AFF3: variants seen among roughly 807,000 people sequenced by gnomAD.
AFF3 encodes AF4/FMR2 family member 3.
AFF3 carries 32 observed loss-of-function variants against 129.7 expected under a neutral mutation model. The ratio of observed to expected loss-of-function variants is 0.25; its 90% CI spans 0.19 to 0.33. The LOEUF (loss-of-function observed/expected upper bound fraction) is 0.33, where lower values mean the gene tolerates loss of function less well. Ranked by LOEUF, AFF3 falls within the 10% of genes least tolerant of loss-of-function variation. The pLI is 1.00. For synonymous variants in AFF3, 644 were observed against 635.4 expected, an observed-to-expected ratio of 1.01 and a Z score of -0.20; for missense variants, 1,373 against 1,592.0, an observed-to-expected ratio of 0.86 and a Z score of 2.34.
At chr2:99,840,415 T>C (rs551824199) in intron 7 of AFF3, among the ~76,000 whole-genome samples, 1 of 152,240 alleles carries the variant, frequency 6.6e-6, no homozygotes, top group Non-Finnish European at 1.5e-5. Flanking sequence ...TGTTATCTTT[T>C]TGCTTCATTC....
chr2:99,594,293 A>C lies in AFF3; in HGVS notation c.1372-4T>G. The C allele has an allele frequency of 6.3e-7, 1 of 1,594,766 alleles. No individual in the cohort carries two copies. On this transcript the variant is annotated splice_region_variant and splice_polypyrimidine_tract_variant and intron_variant, in intron 14 of 24. Coordinates refer to ENST00000672756, the MANE Select transcript of AFF3 (RefSeq NM_001386135.1). ...TGTTAGAGGATGCCGGTTCAGCCTG[A>C]AAGCAGAAAACCGGTGACAAACAAA...
At chr2:100,062,366 A>C (rs893250145) in intron 4 of AFF3, among the ~76,000 whole-genome samples, 2 of 152,204 alleles carry the variant, frequency 1.3e-5, no homozygotes, top group African/African-American at 4.8e-5. Flanking sequence ...CCAGTAATGA[A>C]TGAATGAAAA....
intron 22 of AFF3, among the ~76,000 whole-genome samples, chr2:99,556,754 T>A (rs2104522750): frequency 6.6e-6 from 1 of 151,852 alleles, no homozygotes; most frequent in South Asian, 2.1e-4. Context: ...AGACCCTCTG[T>A]CTACAAAAAA....
chr2:100,138,283 C>T (rs1692711962), intron 1 of AFF3, among the ~76,000 whole-genome samples: 1 of 152,212 alleles, frequency 6.6e-6, no homozygotes, highest in Non-Finnish European at 1.5e-5. Context: ...TCATCACTCT[C>T]TCCCCTCTTT....
chr2:99,681,867 T>A (rs1217800173), intron 11 of AFF3, among the ~76,000 whole-genome samples: 1 of 151,840 alleles, frequency 6.6e-6, no homozygotes, highest in Non-Finnish European at 1.5e-5. Context: ...CCTAAGTGAA[T>A]CTTCTATTCA....
At chr2:99,787,595 C>T (rs1277695867) in intron 8 of AFF3, among the ~76,000 whole-genome samples, 3 of 152,146 alleles carry the variant, frequency 2.0e-5, no homozygotes, top group African/African-American at 4.8e-5. Flanking sequence ...CATGAATTCC[C>T]GATGATGTAC....
At chr2:99,923,853 C>A (rs1331378792) in intron 7 of AFF3, among the ~76,000 whole-genome samples, 1 of 152,026 alleles carries the variant, frequency 6.6e-6, no homozygotes. Flanking sequence ...GTGTATAATT[C>A]ACTTTTAATT....
At chr2:99,894,377 G>T (rs1693781233) in intron 7 of AFF3, among the ~76,000 whole-genome samples, 1 of 152,112 alleles carries the variant, frequency 6.6e-6, no homozygotes, top group African/African-American at 2.4e-5. Context: ...AGGGAAGAAA[G>T]GGAGGGAGGG....
intron 10 of AFF3, 82 bp from the exon 11 acceptor site, chr2:99,727,210 G>T: frequency 7.6e-7 from 1 of 1,315,570 alleles, no homozygotes; most frequent in Non-Finnish European, 1.1e-6. Flanking sequence ...ATATTTCCAT[G>T]CTCCTATTAA....
chr2:100,124,877 CAGAG>C (rs1475197970), intron 2 of AFF3, among the ~76,000 whole-genome samples: 1 of 152,102 alleles, frequency 6.6e-6, no homozygotes, highest in African/African-American at 2.4e-5. Context: ...AGCATAAAGA[CAGAG>C]AGAAATTCCA....
At chr2:99,822,602 T>G (rs771340710) in intron 8 of AFF3, among the ~76,000 whole-genome samples, 5 of 152,102 alleles carry the variant, frequency 3.3e-5, no homozygotes, top group Admixed American at 2.6e-4. Context: ...AAATCTCTCT[T>G]TGTGTTCTTT....
rs147329784 is a variant in AFF3, at chr2:99,778,155, G to A, written c.922-25854C>T. On this transcript the variant is annotated intron_variant, in intron 8 of 24. Coordinates refer to ENST00000672756, the MANE Select transcript of AFF3 (RefSeq NM_001386135.1). ...GAAGCCAGAGTGACCCCTGCACATC[G>A]CATCCCTTCTGGATCCTGCCTGGAG... Among the ~76,000 whole-genome samples the A allele has an allele frequency of 1.3e-3, 194 of 152,000 alleles. 1 individual carries two copies. The highest frequency in any genetic ancestry group is 4.4e-3 in the African/African-American group (181 of 41,476).
intron 11 of AFF3, chr2:99,707,241 T>A (rs978532142): frequency 1.0e-6 from 1 of 985,456 alleles, no homozygotes. Context: ...CAGTGTCATA[T>A]CTGTGACATG....
At chr2:99,975,877 AAAAAAG>A (rs1052678189) in intron 7 of AFF3, among the ~76,000 whole-genome samples, 3 of 150,272 alleles carry the variant, frequency 2.0e-5, no homozygotes, top group Non-Finnish European at 3.0e-5. Flanking sequence ...TGAAAAAAAA[AAAAAAG>A]AAAAAAGAAA....
intron 11 of AFF3, among the ~76,000 whole-genome samples, chr2:99,702,637 C>T (rs981271146): frequency 6.6e-6 from 1 of 152,196 alleles, no homozygotes; most frequent in African/African-American, 2.4e-5. Context: ...CCATGCCTGG[C>T]CTTAAGTTGT....
At position 99,873,897 on chromosome 2, in the gene AFF3, G is replaced by C. The variant is rs536129161; in HGVS notation, c.874-36373C>G. Among the ~76,000 whole-genome samples the C allele has an allele frequency of 2.6e-5, 4 of 152,212 alleles. No individual in the cohort carries two copies. The South Asian group carries it at 8.3e-4, about 32-fold the overall frequency. On this transcript the variant is annotated intron_variant, in intron 7 of 24. Transcript: ENST00000672756. ...AGACTTCTCTTTAAGAAGCTGGGCCGGGCGCGGTGGCTCACGCCTGTAATC... is the reference window on the plus strand; with the variant it reads ...AGACTTCTCTTTAAGAAGCTGGGCCCGGCGCGGTGGCTCACGCCTGTAATC...
intron 4 of AFF3, among the ~76,000 whole-genome samples, chr2:100,031,112 G>A (rs1684452605): frequency 2.0e-5 from 3 of 152,074 alleles, no homozygotes; most frequent in African/African-American, 7.2e-5. Context: ...AATAACTTTA[G>A]AAATAAGTGG....
chr2:99,716,014 G>A (rs976783877), intron 11 of AFF3, among the ~76,000 whole-genome samples: 1 of 152,106 alleles, frequency 6.6e-6, no homozygotes, highest in African/African-American at 2.4e-5. Context: ...TACTTTGTAC[G>A]ATTGAGGGTT....
At chr2:99,831,606 C>CAA (rs1553462230) in intron 8 of AFF3, among the ~76,000 whole-genome samples, 14 of 87,668 alleles carry the variant, frequency 1.6e-4, no homozygotes, top group African/African-American at 3.4e-4. Flanking sequence ...ACACTGCAAT[C>CAA]GAAAACCTCA....
Sources: gnomAD v4.1 joint callset for allele counts (sites outside exome capture counted in the v4.1 genomes callset) on GRCh38, gnomAD v4.1.1 for gene constraint, MANE v1.5 for transcripts, NCBI Gene and HGNC (gene_info 2026-07-23, HGNC 2026-07-21) for gene names.